The following CADPS2 variants were observed in gnomAD, a reference collection of about 807,000 sequenced individuals.
CADPS2 encodes calcium dependent secretion activator 2.
In CADPS2, 93 loss-of-function variants were observed where a neutral mutation model predicts 172.5. That is an observed-to-expected ratio of 0.54 (90% confidence interval 0.46 to 0.64). The LOEUF (loss-of-function observed/expected upper bound fraction) is 0.64. Ranked by LOEUF, CADPS2 falls within the 30% of genes least tolerant of loss-of-function variation. The pLI, the probability that CADPS2 is intolerant of heterozygous loss-of-function variation, is 0.00. For missense variants in CADPS2, 1,420 were observed against 1,565.9 expected, an observed-to-expected ratio of 0.91 and a Z score of 1.57; for synonymous variants, 546 against 555.2, an observed-to-expected ratio of 0.98 and a Z score of 0.23.
intron 8 of CADPS2, among the ~76,000 whole-genome samples, chr7:122,543,067 A>AT (rs151143684): frequency 2.6e-4 from 40 of 151,292 alleles, no homozygotes; most frequent in African/African-American, 4.6e-4. Flanking sequence ...AAAGTAAGTT[A>AT]TTTTTTTTTA....
intron 3 of CADPS2, among the ~76,000 whole-genome samples, chr7:122,631,777 G>A (rs549307314): frequency 1.3e-5 from 2 of 151,852 alleles, no homozygotes; most frequent in East Asian, 3.9e-4. Context: ...GGTTGAGGTT[G>A]GGGATATGGA....
intron 18 of CADPS2, among the ~76,000 whole-genome samples, chr7:122,415,281 C>T (rs1454129125): frequency 6.6e-6 from 1 of 151,994 alleles, no homozygotes; most frequent in Non-Finnish European, 1.5e-5. Flanking sequence ...ACAAATTTTC[C>T]CCTTCCACGT....
At chr7:122,720,615 T>C (rs1330187956) in intron 2 of CADPS2, among the ~76,000 whole-genome samples, 2 of 151,684 alleles carry the variant, frequency 1.3e-5, no homozygotes, top group African/African-American at 4.8e-5. Context: ...TACGTATACA[T>C]ACATATATGT....
rs1018920981 is a variant in CADPS2, at chr7:122,474,600, C to T, written c.1862-83G>A. 31 of 1,307,628 alleles carry T rather than the reference C, an allele frequency of 2.4e-5. No individual in the cohort carries two copies. The Middle Eastern group carries it at 7.7e-4, about 32-fold the overall frequency. The allele number at this position is 1,307,628 out of a possible 1,614,324, so 81.0% of individuals were successfully genotyped here. A position where few individuals can be genotyped will look rare whatever the true frequency, so the allele number is the denominator to read the frequency against. ...TACAAGTTGTGAAGAATACAAAATG[C>T]GTGACTCAAGCAGAAGACTACCTTT... On this transcript the variant is annotated intron_variant, in intron 12 of 29. Coordinates refer to ENST00000449022, the MANE Select transcript of CADPS2 (RefSeq NM_017954.11).
chr7:122,842,843 C>G (rs1450124919), intron 1 of CADPS2, among the ~76,000 whole-genome samples: 1 of 152,102 alleles, frequency 6.6e-6, no homozygotes, highest in Non-Finnish European at 1.5e-5. Flanking sequence ...CTACACTATC[C>G]ACTAAGGGCC....
chr7:122,815,606 A>T (rs1444226669), intron 1 of CADPS2, among the ~76,000 whole-genome samples: 1 of 146,986 alleles, frequency 6.8e-6, no homozygotes, highest in Non-Finnish European at 1.5e-5. Context: ...ATCCATGGGT[A>T]ATAATGAAAT....
intron 1 of CADPS2, among the ~76,000 whole-genome samples, chr7:122,773,513 T>C (rs1385260359): frequency 6.6e-6 from 1 of 151,976 alleles, no homozygotes; most frequent in Non-Finnish European, 1.5e-5. Flanking sequence ...TTTAATACTG[T>C]GCATTAAACA....
At chr7:122,875,218 G>T (rs1039643862) in intron 1 of CADPS2, among the ~76,000 whole-genome samples, 1 of 152,110 alleles carries the variant, frequency 6.6e-6, no homozygotes, top group Non-Finnish European at 1.5e-5. Context: ...ACGTATTATG[G>T]ATACTTTTCA....
intron 2 of CADPS2, chr7:122,703,113 A>C: frequency 5.2e-6 from 1 of 192,434 alleles, no homozygotes; most frequent in African/African-American, 2.3e-5. Flanking sequence ...GATACATAAC[A>C]ATTTGAATAG....
At chr7:122,647,142 A>G (rs2078648980) in intron 3 of CADPS2, among the ~76,000 whole-genome samples, 2 of 152,134 alleles carry the variant, frequency 1.3e-5, no homozygotes, top group African/African-American at 4.8e-5. Flanking sequence ...GAATTGATCT[A>G]CCTAAAAAAG....
chr7:122,836,707 C>A (rs953941567), intron 1 of CADPS2, among the ~76,000 whole-genome samples: 7 of 152,144 alleles, frequency 4.6e-5, no homozygotes, highest in African/African-American at 1.7e-4. Flanking sequence ...GTAAAGGGAT[C>A]AATTCAACAA....
chr7:122,884,676 C>T (rs965252410), intron 1 of CADPS2, among the ~76,000 whole-genome samples: 1 of 152,058 alleles, frequency 6.6e-6, no homozygotes, highest in Non-Finnish European at 1.5e-5. Flanking sequence ...TGGGTAAGAC[C>T]ACTTAAAATT....
intron 1 of CADPS2, among the ~76,000 whole-genome samples, chr7:122,823,165 A>C (rs1217620693): frequency 1.3e-5 from 2 of 152,220 alleles, no homozygotes; most frequent in African/African-American, 4.8e-5. Flanking sequence ...ATTATCTGTA[A>C]CAGAATTATA....
chr7:122,618,663 T>A (rs2075241999), intron 5 of CADPS2, among the ~76,000 whole-genome samples: 1 of 152,154 alleles, frequency 6.6e-6, no homozygotes, highest in South Asian at 2.1e-4. Context: ...AGCTTTAAAT[T>A]GATTTAACTG....
chr7:122,405,933 T>C (rs1563255893), intron 20 of CADPS2, among the ~76,000 whole-genome samples: 1 of 152,226 alleles, frequency 6.6e-6, no homozygotes, highest in Non-Finnish European at 1.5e-5. Context: ...GGTGCTATTA[T>C]TTTCCTTCTT....
At chr7:122,461,827 C>CTGGT (rs2054483911) in intron 14 of CADPS2, among the ~76,000 whole-genome samples, 1 of 152,086 alleles carries the variant, frequency 6.6e-6, no homozygotes, top group African/African-American at 2.4e-5. Flanking sequence ...AATTGCTGAC[C>CTGGT]TGGTGATCCA....
At chr7:122,378,541 A>G (rs1308446139) in intron 25 of CADPS2, among the ~76,000 whole-genome samples, 2 of 151,866 alleles carry the variant, frequency 1.3e-5, no homozygotes, top group African/African-American at 4.8e-5. Context: ...TCTAAACAGG[A>G]TGTCTTTTGT....
intron 6 of CADPS2, among the ~76,000 whole-genome samples, chr7:122,597,118 A>C: frequency 6.6e-6 from 1 of 152,090 alleles, no homozygotes; most frequent in Non-Finnish European, 1.5e-5. Context: ...TGCCACTATG[A>C]GCAAACACCT....
chr7:122,345,839 T>C (rs1170372177), intron 27 of CADPS2, among the ~76,000 whole-genome samples, 158 bp from the exon 28 acceptor site: 1 of 150,414 alleles, frequency 6.6e-6, no homozygotes, highest in African/African-American at 2.4e-5. Context: ...ATTCCATAAT[T>C]AAAGCAAATA....
Sources: gnomAD v4.1 joint callset for allele counts (sites outside exome capture counted in the v4.1 genomes callset) on GRCh38, gnomAD v4.1.1 for gene constraint, MANE v1.5 for transcripts, NCBI Gene and HGNC (gene_info 2026-07-23, HGNC 2026-07-21) for gene names.